COQ8B: variants seen among roughly 807,000 people sequenced by gnomAD.
The protein encoded by COQ8B is atypical kinase COQ8B, mitochondrial.
Under a neutral mutation model 62.0 loss-of-function variants are expected in COQ8B, and 44 were observed. The observed-to-expected ratio is 0.71, with a 90% CI of 0.56 to 0.91. COQ8B has a LOEUF of 0.91. COQ8B is among the 40% of genes least tolerant of loss of function. The pLI is 0.00. For missense variants in COQ8B, 649 were observed against 731.6 expected, an observed-to-expected ratio of 0.89 and a Z score of 1.30; for synonymous variants, 252 against 289.9, an observed-to-expected ratio of 0.87 and a Z score of 1.33.
intron 12 of COQ8B, among the ~76,000 whole-genome samples, chr19:40,698,759 C>A (rs766435722): frequency 6.6e-6 from 1 of 152,116 alleles, no homozygotes; most frequent in Non-Finnish European, 1.5e-5. Context: ...GGCTGTGAAG[C>A]TGTAGGAGGG....
At chr19:40,692,493 G>A (rs556472942) in intron 14 of COQ8B, 120 bp from the exon 15 acceptor site, 27 of 863,410 alleles carry the variant, frequency 3.1e-5, no homozygotes, top group South Asian at 8.4e-5. Flanking sequence ...CACAAGCCCC[G>A]ACTCCCCCAA....
chr19:40,707,070 A>G (rs1033395704), intron 5 of COQ8B, among the ~76,000 whole-genome samples: 4 of 151,984 alleles, frequency 2.6e-5, no homozygotes, highest in African/African-American at 7.3e-5. Context: ...TGAGTTTGAG[A>G]CCAGCCTGGG....
At position 40,692,320 on chromosome 19, in the gene COQ8B, G is replaced by A; in HGVS notation, c.1350C>T (p.Ala450=). 1 of 1,613,788 alleles carries A rather than the reference G, an allele frequency of 6.2e-7. No individual in the cohort carries two copies. Among genetic ancestry groups the A allele is most frequent in the African/African-American group, 1.3e-5 (1 of 75,000 alleles). The change falls in exon 15 of 15, where the codon GCC becomes GCT. Residue 450 remains alanine (A), a synonymous_variant. Transcript: ENST00000324464. ...ACCCAAAGTCATAAGGGCCCTGGGT[G>A]GCGAAAGGCTCCCCCAGGATCATCA... The part of the protein sequence containing the change: ...EAVMILGEPF[A]TQGPYDFGSG...
chr19:40,695,944 T>C lies in COQ8B; in HGVS notation c.1209+45A>G, dbSNP rs1347648919. The C allele has an allele frequency of 1.9e-6, 3 of 1,590,662 alleles. No homozygotes were observed. In the Admixed American group the frequency reaches 5.0e-5, roughly 27 times the overall value. The stretch of plus-strand genomic sequence containing the variant: ...TACTCCTCTGCCTCAGTATATGGCT[T>C]GAGCCTCAGCCTTTCAGAGGCCCTG... On this transcript the variant is annotated intron_variant, in intron 13 of 14. Transcript: ENST00000324464.
intron 4 of COQ8B, among the ~76,000 whole-genome samples, chr19:40,712,300 C>A (rs531746629): frequency 6.6e-6 from 1 of 151,134 alleles, no homozygotes; most frequent in Admixed American, 6.6e-5. Flanking sequence ...AGCGGTCAGG[C>A]ACAGTGGCTC....
At chr19:40,710,565 T>G (rs2082133275) in intron 4 of COQ8B, among the ~76,000 whole-genome samples, 1 of 152,084 alleles carries the variant, frequency 6.6e-6, no homozygotes, top group African/African-American at 2.4e-5. Flanking sequence ...TCCCAATTCT[T>G]TGTATCTCTG....
In COQ8B at chr19:40,709,375, G is replaced by C. The variant is rs568773587; in HGVS notation, c.367+684C>G. Among the ~76,000 whole-genome samples the C allele has an allele frequency of 4.6e-5, 7 of 152,200 alleles. No individual in the cohort carries two copies. In the South Asian group the frequency reaches 1.5e-3, roughly 32 times the overall value. On this transcript the variant is annotated intron_variant, in intron 5 of 14. Transcript: ENST00000324464. Reference sequence around the variant, plus strand: ...CCACCCCCACTTGTTTCAAGACATTGACTTGTTGAGGGAACCTCCACCTAC... The same window carrying C: ...CCACCCCCACTTGTTTCAAGACATTCACTTGTTGAGGGAACCTCCACCTAC...
At chr19:40,694,660 A>G (rs938036405) in intron 13 of COQ8B, among the ~76,000 whole-genome samples, 2 of 152,216 alleles carry the variant, frequency 1.3e-5, no homozygotes, top group African/African-American at 4.8e-5. Context: ...CTTCACATGC[A>G]CATCCAAGTC....
At chr19:40,696,751 C>T (rs1403219935) in intron 12 of COQ8B, among the ~76,000 whole-genome samples, 1 of 152,010 alleles carries the variant, frequency 6.6e-6, no homozygotes, top group Non-Finnish European at 1.5e-5. Context: ...CCAGGGTCAC[C>T]TCTTTCCTAC....
Position 40,697,875 on chromosome 19 carries a change from G to GAGAGAGAGAGAGAGAGAC in COQ8B, c.1144-1822_1144-1821insGTCTCTCTCTCTCTCTCT, listed in dbSNP as rs58313890. On this transcript the variant is annotated intron_variant, in intron 12 of 14. Coordinates refer to ENST00000324464, the MANE Select transcript of COQ8B (RefSeq NM_024876.4). ...ATAGAGAGAGAGAGAGAGAGAGAGA[G>GAGAGAGAGAGAGAGAGAC]AGTTTCTACTGGGCGTTCATGCAAA... is the stretch of plus-strand genomic sequence containing the variant. Among the ~76,000 whole-genome samples, 558 of 103,180 alleles carry GAGAGAGAGAGAGAGAGAC rather than the reference G, an allele frequency of 5.4e-3. 23 individuals are homozygous for GAGAGAGAGAGAGAGAGAC. The highest frequency in any genetic ancestry group is 0.016 in the Middle Eastern group (3 of 184). The allele number at this position is 103,180 out of a possible 152,430, so 67.7% of individuals were successfully genotyped here. A position where few individuals can be genotyped will look rare whatever the true frequency, so the allele number is the denominator to read the frequency against.
At chr19:40,712,024 T>C (rs1021634675) in intron 4 of COQ8B, among the ~76,000 whole-genome samples, 4 of 151,546 alleles carry the variant, frequency 2.6e-5, no homozygotes, top group African/African-American at 9.7e-5. Context: ...TATATATATA[T>C]AGATTTTTTT....
intron 12 of COQ8B, among the ~76,000 whole-genome samples, chr19:40,696,592 G>A (rs1035734819): frequency 1.3e-5 from 2 of 151,508 alleles, no homozygotes; most frequent in Admixed American, 6.6e-5. Context: ...TTGAACCTGG[G>A]AGGTGGAGGT....
intron 5 of COQ8B, among the ~76,000 whole-genome samples, chr19:40,709,755 T>C (rs2082126614): frequency 6.6e-6 from 1 of 152,052 alleles, no homozygotes; most frequent in African/African-American, 2.4e-5. Flanking sequence ...GGCAGGAGAA[T>C]TGCTTAAACC....
At chr19:40,695,323 A>C (rs1203645385) in intron 13 of COQ8B, among the ~76,000 whole-genome samples, 1 of 147,940 alleles carries the variant, frequency 6.8e-6, no homozygotes, top group Non-Finnish European at 1.5e-5. Context: ...GTCTCAATTA[A>C]AAAAAAAAAA....
intron 7 of COQ8B, chr19:40,704,175 G>T: frequency 4.3e-6 from 1 of 230,618 alleles, no homozygotes; most frequent in Non-Finnish European, 8.5e-6. Flanking sequence ...TTTGAGACAG[G>T]GTCTTGTTCT....
At chr19:40,714,846 C>T (rs922905390) in intron 1 of COQ8B, 1 of 1,343,712 alleles carries the variant, frequency 7.4e-7, no homozygotes, top group Non-Finnish European at 9.5e-7. Flanking sequence ...TTTCCCCCCT[C>T]TCCCAACCCT....
intron 13 of COQ8B, 55 bp from the exon 14 acceptor site, chr19:40,693,092 G>A (rs909453836): frequency 3.4e-5 from 50 of 1,492,306 alleles, no homozygotes; most frequent in Middle Eastern, 1.8e-4. Context: ...AGGGGGCTCT[G>A]GAGAAGAGGA....
chr19:40,692,837 C>T, intron 14 of COQ8B, 114 bp downstream of exon 14: 1 of 852,474 alleles, frequency 1.2e-6, no homozygotes, highest in African/African-American at 1.7e-5. Flanking sequence ...GTCCCCCAGT[C>T]CCCGGGTATC....
intron 12 of COQ8B, 30 bp downstream of exon 12, chr19:40,700,037 G>A (rs1343260583): frequency 6.3e-7 from 1 of 1,584,960 alleles, no homozygotes; most frequent in African/African-American, 1.3e-5. Flanking sequence ...AACAGCAAAT[G>A]TACCCAGACA....
Sources: allele counts gnomAD v4.1 joint callset (sites outside exome capture counted in the v4.1 genomes callset), GRCh38; gene constraint gnomAD v4.1.1; transcripts MANE v1.5; gene names NCBI Gene and HGNC (gene_info 2026-07-23, HGNC 2026-07-21).